Variants in LHFPL6 observed in about 807,000 individuals in gnomAD.
LHFPL6 encodes LHFPL tetraspan subfamily member 6, also known as LHFPL tetraspan subfamily member 6 protein.
Under a neutral mutation model 20.6 loss-of-function variants are expected in LHFPL6, and 9 were observed. The ratio of observed to expected loss-of-function variants is 0.44; its 90% CI spans 0.26 to 0.76. The LOEUF (loss-of-function observed/expected upper bound fraction) is 0.76. Among genes scored for constraint, LHFPL6 ranks in the 30% least tolerant of loss-of-function variants. The probability of loss-of-function intolerance (pLI) is 0.20; values close to 1 mark genes in which losing one functional copy is unlikely to be tolerated. For synonymous variants in LHFPL6, 105 were observed against 98.7 expected (o/e 1.06, Z -0.38); for missense variants, 218 against 253.5 (o/e 0.86, Z 0.95).
At chr13:39,404,330 G>A (rs1235906778) in intron 2 of LHFPL6, among the ~76,000 whole-genome samples, 1 of 152,128 alleles carries the variant, frequency 6.6e-6, no homozygotes, top group Non-Finnish European at 1.5e-5. Flanking sequence ...CAACAAGCAA[G>A]CCTTCTTTCA....
intron 2 of LHFPL6, among the ~76,000 whole-genome samples, chr13:39,462,949 T>C (rs752765653): frequency 6.6e-6 from 1 of 152,112 alleles, no homozygotes; most frequent in Non-Finnish European, 1.5e-5. Flanking sequence ...TACAAACTCA[T>C]GCTCTCCAGT....
At chr13:39,375,315 C>T (rs1413028415) in intron 3 of LHFPL6, among the ~76,000 whole-genome samples, 1 of 152,186 alleles carries the variant, frequency 6.6e-6, no homozygotes, top group Non-Finnish European at 1.5e-5. Context: ...TAATTTGTGA[C>T]TTCACTAGGT....
intron 2 of LHFPL6, among the ~76,000 whole-genome samples, chr13:39,593,645 C>A (rs1377850093): frequency 2.6e-5 from 4 of 152,174 alleles, no homozygotes; most frequent in Admixed American, 2.6e-4. Context: ...AAAAAAAGAG[C>A]CCACATTGCC....
chr13:39,454,633 A>C lies in LHFPL6; in HGVS notation c.386-76107T>G, dbSNP rs1872526531. Among the ~76,000 whole-genome samples, 2 of 2,868 alleles carry C rather than the reference A, an allele frequency of 7.0e-4. 1 individual carries two copies. The highest frequency in any genetic ancestry group is 1.7e-3 in the Non-Finnish European group (2 of 1,196). 1.9% of individuals were successfully genotyped at this position (2,868 alleles called of 152,430 possible). A position where few individuals can be genotyped will look rare whatever the true frequency, so the allele number is the denominator to read the frequency against. ...GACAGAGCGAGACTCCGTCTCAAAA[A>C]AAAAAAAAAAAAAAAAAAAAAAAGA... On this transcript the variant is annotated intron_variant, in intron 2 of 3. Transcript: ENST00000379589.
intron 2 of LHFPL6, among the ~76,000 whole-genome samples, chr13:39,558,861 AG>A (rs1445088956): frequency 6.6e-6 from 1 of 152,240 alleles, no homozygotes; most frequent in Non-Finnish European, 1.5e-5. Context: ...CATATATTTA[AG>A]TAAAGCTGAC....
chr13:39,400,632 A>C (rs1463605128), intron 2 of LHFPL6, among the ~76,000 whole-genome samples: 2 of 150,520 alleles, frequency 1.3e-5, no homozygotes, highest in Admixed American at 1.3e-4. Flanking sequence ...AAATACAAAA[A>C]ATTAGCCGGG....
At chr13:39,347,720 C>T (rs928178764) in intron 3 of LHFPL6, among the ~76,000 whole-genome samples, 1 of 152,170 alleles carries the variant, frequency 6.6e-6, no homozygotes, top group African/African-American at 2.4e-5. Flanking sequence ...GAATAATCTC[C>T]ATTTTGAATT....
intron 2 of LHFPL6, among the ~76,000 whole-genome samples, chr13:39,596,987 G>C (rs989681877): frequency 4.6e-5 from 7 of 152,148 alleles, no homozygotes; most frequent in Admixed American, 4.6e-4. Context: ...AGGCAATGAC[G>C]CTTTCATAAC....
intron 2 of LHFPL6, among the ~76,000 whole-genome samples, chr13:39,460,792 C>T (rs746863476): frequency 1.9e-4 from 29 of 152,208 alleles, no homozygotes; most frequent in Non-Finnish European, 4.4e-5. Context: ...TGCTTTAAAA[C>T]AAGACGTCCT....
intron 3 of LHFPL6, among the ~76,000 whole-genome samples, chr13:39,362,458 G>C (rs1869898132): frequency 6.6e-6 from 1 of 152,188 alleles, no homozygotes; most frequent in Non-Finnish European, 1.5e-5. Context: ...GTTCCTTATA[G>C]CAGTGTGAGA....
At chr13:39,475,591 G>A (rs1873066255) in intron 2 of LHFPL6, among the ~76,000 whole-genome samples, 1 of 152,102 alleles carries the variant, frequency 6.6e-6, no homozygotes. Context: ...GATGCCAGGT[G>A]GCCCATAAAT....
At chr13:39,455,782 A>G (rs920344430) in intron 2 of LHFPL6, among the ~76,000 whole-genome samples, 8 of 152,238 alleles carry the variant, frequency 5.3e-5, no homozygotes, top group Admixed American at 4.6e-4. Flanking sequence ...GAGACAGCAG[A>G]GAAAGGAACT....
intron 2 of LHFPL6, among the ~76,000 whole-genome samples, chr13:39,393,878 C>T (rs1445844950): frequency 6.6e-6 from 1 of 152,150 alleles, no homozygotes; most frequent in Admixed American, 6.5e-5. Context: ...TCACGGTATC[C>T]TCACACGGTC....
intron 2 of LHFPL6, among the ~76,000 whole-genome samples, chr13:39,480,106 C>T (rs1385238856): frequency 1.3e-5 from 2 of 152,076 alleles, no homozygotes; most frequent in Non-Finnish European, 2.9e-5. Context: ...GCATGAATAA[C>T]CCCCATTAAT....
At chr13:39,464,261 TG>T (rs1273454796) in intron 2 of LHFPL6, among the ~76,000 whole-genome samples, 30 of 152,326 alleles carry the variant, frequency 2.0e-4, no homozygotes, top group Middle Eastern at 3.4e-3. Flanking sequence ...AAGTGATATT[TG>T]GGGGCCAATT....
chr13:39,550,613 CT>C (rs1452015071), intron 2 of LHFPL6, among the ~76,000 whole-genome samples: 3 of 152,034 alleles, frequency 2.0e-5, no homozygotes, highest in Non-Finnish European at 4.4e-5. Context: ...TTCCATTCCA[CT>C]TTTTAAATTG....
chr13:39,348,731 AC>A (rs1383956413), intron 3 of LHFPL6, among the ~76,000 whole-genome samples: 1 of 151,946 alleles, frequency 6.6e-6, no homozygotes, highest in Non-Finnish European at 1.5e-5. Flanking sequence ...AAGCCACCCC[AC>A]CCGCCTACCC....
intron 2 of LHFPL6, among the ~76,000 whole-genome samples, chr13:39,470,842 G>C (rs1046063649): frequency 6.6e-6 from 1 of 152,198 alleles, no homozygotes; most frequent in Non-Finnish European, 1.5e-5. Context: ...TTTATCTAAT[G>C]TTATGGAGAA....
chr13:39,564,606 A>T (rs1408048196), intron 2 of LHFPL6, among the ~76,000 whole-genome samples: 1 of 152,212 alleles, frequency 6.6e-6, no homozygotes, highest in African/African-American at 2.4e-5. Flanking sequence ...CTCCCATAAA[A>T]TTGCACTACG....
Sources: gnomAD v4.1 joint callset for allele counts (sites outside exome capture counted in the v4.1 genomes callset) on GRCh38, gnomAD v4.1.1 for gene constraint, MANE v1.5 for transcripts, NCBI Gene and HGNC (gene_info 2026-07-23, HGNC 2026-07-21) for gene names.